OTC: variants seen among roughly 807,000 people sequenced by gnomAD.
OTC encodes ornithine transcarbamylase, mitochondrial.
OTC carries 3 observed loss-of-function variants against 30.3 expected under a neutral mutation model. The observed-to-expected ratio is 0.10, with a 90% CI of 0.05 to 0.26. OTC has a LOEUF of 0.26. Ranked by LOEUF, OTC falls within the 10% of genes least tolerant of loss-of-function variation. The pLI is 1.00. For synonymous variants in OTC, 111 were observed against 99.7 expected, an observed-to-expected ratio of 1.11 and a Z score of -0.67; for missense variants, 194 against 260.3, an observed-to-expected ratio of 0.75 and a Z score of 1.75.
intron 3 of OTC, among the ~76,000 whole-genome samples, chrX:38,370,267 C>A (rs780758301): frequency 1.9e-4 from 21 of 112,045 alleles, no homozygotes; most frequent in African/African-American, 6.5e-4. Context: ...TTAATCTTTG[C>A]GATGTTAGGC....
At chrX:38,333,740 C>T in the OTC span, among the ~76,000 whole-genome samples, 1 of 112,382 alleles carries the variant, frequency 8.9e-6, no homozygotes, top group Non-Finnish European at 1.9e-5. Context: ...AACAAAACGT[C>T]CAAGGCTTGC....
At chrX:38,413,676 T>G (rs74890371) in intron 9 of OTC, among the ~76,000 whole-genome samples, 1 of 108,114 alleles carries the variant, frequency 9.2e-6, no homozygotes, top group Non-Finnish European at 1.9e-5. Context: ...TTTTTTTTTT[T>G]TGTTTTTTTT....
intron 4 of OTC, among the ~76,000 whole-genome samples, chrX:38,393,730 AT>A (rs928563422): frequency 2.7e-5 from 3 of 112,350 alleles, no homozygotes; most frequent in Non-Finnish European, 5.6e-5. Context: ...TTGTTTTCTC[AT>A]TGCTGCTTTA....
chrX:38,408,222 A>G (rs899308844), intron 6 of OTC, among the ~76,000 whole-genome samples: 1 of 112,039 alleles, frequency 8.9e-6, no homozygotes, highest in Non-Finnish European at 1.9e-5. Flanking sequence ...TGGGGAATGC[A>G]AAAGAATGAG....
chrX:38,358,094 C>T lies in OTC; in HGVS notation c.77+5321C>T, dbSNP rs956052034. Among the ~76,000 whole-genome samples, 7 of 111,113 alleles carry T rather than the reference C, an allele frequency of 6.3e-5. No homozygotes were observed. In the East Asian group the frequency reaches 2.0e-3, roughly 31 times the overall value. On this transcript the variant is annotated intron_variant, in intron 1 of 9. Transcript: ENST00000039007. Reference sequence around the variant, plus strand: ...AAAAGCAAGCATTTTACAGGAGACTCGAATAATGCATTTGGCCCTGGTTCT... The same window carrying T: ...AAAAGCAAGCATTTTACAGGAGACTTGAATAATGCATTTGGCCCTGGTTCT...
At position 38,408,959 on chromosome X, in the gene OTC, C is replaced by T. The variant is rs748896025; in HGVS notation, c.801C>T (p.Ser267=). The change falls in exon 8 of 10, where the codon AGC becomes AGT. Residue 267 remains serine (S), a synonymous_variant. Coordinates refer to ENST00000039007, the MANE Select transcript of OTC (RefSeq NM_000531.6). ...TATTAATTACAGACACTTGGATAAG[C>T]ATGGGACAAGAAGAGGAGAAGAAAA... ...GNVLITDTWI[S]MGQEEEKKKR... The T allele has an allele frequency of 8.3e-7, 1 of 1,206,287 alleles. No individual in the cohort carries two copies. Among genetic ancestry groups the T allele is most frequent in the Admixed American group, 2.2e-5 (1 of 45,968 alleles).
intron 9 of OTC, among the ~76,000 whole-genome samples, chrX:38,416,730 G>T (rs188424340): frequency 2.5e-4 from 28 of 112,168 alleles, no homozygotes; most frequent in African/African-American, 8.4e-4. Context: ...TATATTTGTT[G>T]TTATCTGAAA....
chrX:38,390,997 A>C (rs772850442), intron 4 of OTC, among the ~76,000 whole-genome samples: 6 of 111,414 alleles, frequency 5.4e-5, no homozygotes, highest in African/African-American at 2.0e-4. Context: ...AAAAGAAAAA[A>C]CACCAAGCAA....
In OTC at chrX:38,401,318, A is replaced by G. The variant is rs72556262; in HGVS notation, c.430A>G (p.Lys144Glu). ...MADAVLARVYKQSDLDTLAKE... is the reference protein window; with the variant it reads ...MADAVLARVYEQSDLDTLAKE... The stretch of plus-strand genomic sequence containing the variant: ...AGATGCAGTATTGGCTCGAGTGTAT[A>G]AACAATCAGATTTGGACACCCTGGC... The change falls in exon 5 of 10, where the codon AAA becomes GAA. Residue 144 changes from lysine to glutamate, a missense_variant. By Grantham distance (56) the Lys-to-Glu change is moderately conservative. Transcript: ENST00000039007. 8.3e-7 allele frequency: 1 copy of G among 1,202,033 alleles called. No homozygotes were observed. Among genetic ancestry groups the G allele is most frequent in the Admixed American group, 2.2e-5 (1 of 45,972 alleles).
intron 3 of OTC, among the ~76,000 whole-genome samples, chrX:38,374,868 G>A (rs73632477): frequency 0.029 from 3,264 of 111,839 alleles, 123 homozygotes; most frequent in African/African-American, 0.1. Flanking sequence ...TTTAGGTGAC[G>A]TTGCATGTTT....
At chrX:38,345,179 G>A in the OTC span, among the ~76,000 whole-genome samples, 1 of 112,207 alleles carries the variant, frequency 8.9e-6, no homozygotes, top group Non-Finnish European at 1.9e-5. Flanking sequence ...AACCGCCTTT[G>A]CAAAATTATG....
intron 6 of OTC, among the ~76,000 whole-genome samples, chrX:38,408,525 G>C (rs1218048496): frequency 1.8e-5 from 2 of 111,632 alleles, no homozygotes; most frequent in Non-Finnish European, 3.8e-5. Flanking sequence ...AGAAGTCGGA[G>C]ATAGTGAAAG....
chrX:38,416,843 A>G (rs1193315995), intron 9 of OTC, among the ~76,000 whole-genome samples: 2 of 112,377 alleles, frequency 1.8e-5, no homozygotes, highest in African/African-American at 6.5e-5. Flanking sequence ...GACACAATCC[A>G]TAGACAATTA....
At chrX:38,389,722 G>T (rs1466053175) in intron 4 of OTC, among the ~76,000 whole-genome samples, 2 of 111,398 alleles carry the variant, frequency 1.8e-5, no homozygotes, top group African/African-American at 6.5e-5. Context: ...TCAAGGACAG[G>T]GGCTTCAAAG....
the OTC span, among the ~76,000 whole-genome samples, chrX:38,342,197 A>G: frequency 9.4e-5 from 10 of 106,660 alleles, no homozygotes; most frequent in African/African-American, 3.4e-4. Context: ...TAATTTTTGT[A>G]TTTTTAGTAG....
At chrX:38,366,395 T>C (rs17144919) in intron 1 of OTC, among the ~76,000 whole-genome samples, 28,471 of 110,640 alleles carry the variant, frequency 0.26, 3,142 homozygotes, top group African/African-American at 0.38. Context: ...AGTAGAAAAG[T>C]TACAGCGTCC....
the OTC span, among the ~76,000 whole-genome samples, chrX:38,336,071 T>C: frequency 9.0e-6 from 1 of 111,396 alleles, no homozygotes; most frequent in Non-Finnish European, 1.9e-5. Context: ...TGAGAAGGAT[T>C]TATTTATAAA....
chrX:38,378,317 G>A (rs1339791648), intron 3 of OTC, among the ~76,000 whole-genome samples: 1 of 104,832 alleles, frequency 9.5e-6, no homozygotes, highest in East Asian at 2.9e-4. Flanking sequence ...CTTGGGTCCT[G>A]TAAATTTCCT....
intron 1 of OTC, among the ~76,000 whole-genome samples, chrX:38,355,189 C>T (rs2068234544): frequency 8.9e-6 from 1 of 111,800 alleles, no homozygotes; most frequent in Non-Finnish European, 1.9e-5. Context: ...GCCATCCACA[C>T]AGCCCCTGGA....
Sources: allele counts gnomAD v4.1 joint callset (sites outside exome capture counted in the v4.1 genomes callset), GRCh38; gene constraint gnomAD v4.1.1; transcripts MANE v1.5; gene names NCBI Gene and HGNC (gene_info 2026-07-23, HGNC 2026-07-21).